ZNF292: variants seen among roughly 807,000 people sequenced by gnomAD.
The protein encoded by ZNF292 is 16 zinc-finger domain protein.
ZNF292 carries 26 observed loss-of-function variants against 217.9 expected under a neutral mutation model. The ratio of observed to expected loss-of-function variants is 0.12; its 90% CI spans 0.09 to 0.17. The LOEUF is 0.17. Among genes scored for constraint, ZNF292 ranks in the 10% least tolerant of loss-of-function variants. ZNF292 has a pLI of 1.00. For synonymous variants in ZNF292, 1,257 were observed against 1,124.1 expected, an observed-to-expected ratio of 1.12 and a Z score of -2.37; for missense variants, 2,904 against 3,175.2, an observed-to-expected ratio of 0.91 and a Z score of 2.05.
chr6:87,170,373 G>T (rs1030524653), intron 1 of ZNF292: 8 of 152,138 alleles, frequency 5.3e-5, no homozygotes, highest in African/African-American at 1.9e-4. Flanking sequence ...AACTGACCAT[G>T]AAGTTCATCA....
rs1775151630 is a variant in ZNF292 at position 87,255,365 on chromosome 6, A to G, written c.1736A>G (p.Asn579Ser). The G allele has an allele frequency of 6.2e-7, 1 of 1,613,758 alleles. No individual in the cohort carries two copies. The highest frequency in any genetic ancestry group is 1.1e-5 in the South Asian group (1 of 91,064). ...TGCCCCATATGTGCAAAGAACTTTAATTCTAAAGAAACTTTTGTCCCTCAT... is the reference window on the plus strand; with the variant it reads ...TGCCCCATATGTGCAAAGAACTTTAGTTCTAAAGAAACTTTTGTCCCTCAT... ...YSCPICAKNF[N>S]SKETFVPHVT... The change falls in exon 8 of 8, where the codon AAT becomes AGT. Residue 579 changes from asparagine to serine, a missense_variant. Asn to Ser is a conservative substitution (Grantham distance 46). Around this residue, in one of 15 missense-constraint regions of ZNF292, gnomAD observed 216 missense variants for 308.3 expected, o/e 0.70. Coordinates refer to ENST00000369577, the MANE Select transcript of ZNF292 (RefSeq NM_015021.3).
chr6:87,213,422 T>C (rs1392234462), intron 1 of ZNF292, among the ~76,000 whole-genome samples: 2 of 152,206 alleles, frequency 1.3e-5, no homozygotes, highest in Non-Finnish European at 2.9e-5. Context: ...AAGGAGTTCT[T>C]GTTCCTGACG....
Position 87,265,023 on chromosome 6 carries a change from T to G in ZNF292, c.*3222T>G, listed in dbSNP as rs1002191746. ...GCCTGTTTCAGCATGTTTATTGTAG[T>G]GAGATACTAGGCAGGTGGAAGGTTA... On this transcript the variant is annotated 3_prime_UTR_variant, in exon 8 of 8. Transcript: ENST00000369577. 6.6e-6 allele frequency among the ~76,000 whole-genome samples: 1 copy of G among 152,134 alleles called. No individual in the cohort carries two copies. Among genetic ancestry groups the G allele is most frequent in the African/African-American group, 2.4e-5 (1 of 41,440 alleles).
chr6:87,263,594 T>A lies in ZNF292; in HGVS notation c.*1793T>A, dbSNP rs968397472. The stretch of plus-strand genomic sequence containing the variant: ...TTCATTTCACCTGTTTAAGACTTAC[T>A]ACCAATAAGCATAAAACCTGACACG... On this transcript the variant is annotated 3_prime_UTR_variant, in exon 8 of 8. Coordinates refer to ENST00000369577, the MANE Select transcript of ZNF292 (RefSeq NM_015021.3). 1.3e-5 allele frequency: 2 copies of A among 152,038 alleles called. No individual in the cohort carries two copies. Among genetic ancestry groups the A allele is most frequent in the Admixed American group, 1.3e-4 (2 of 15,258 alleles). The allele number at this position is 152,038 out of a possible 1,614,324, so 9.4% of individuals were successfully genotyped here. A position where few individuals can be genotyped will look rare whatever the true frequency, so the allele number is the denominator to read the frequency against.
chr6:87,248,016 TAAATC>T (rs1319824837), intron 7 of ZNF292, among the ~76,000 whole-genome samples: 9 of 152,214 alleles, frequency 5.9e-5, no homozygotes, highest in Non-Finnish European at 1.2e-4. Context: ...TAAGTATTAA[TAAATC>T]AGAACTCAAG....
chr6:87,163,942 A>G (rs777284643), intron 1 of ZNF292, among the ~76,000 whole-genome samples: 97 of 152,196 alleles, frequency 6.4e-4, no homozygotes, highest in Non-Finnish European at 1.2e-3. Context: ...GTAAGTGTAG[A>G]TTTATGGTTA....
At chr6:87,165,189 C>T (rs972948524) in intron 1 of ZNF292, among the ~76,000 whole-genome samples, 7 of 152,130 alleles carry the variant, frequency 4.6e-5, no homozygotes, top group Non-Finnish European at 8.8e-5. Context: ...CCAATGAACT[C>T]GCTTTTAACA....
Position 87,264,428 on chromosome 6 carries a change from A to C in ZNF292, c.*2627A>C, listed in dbSNP as rs1200503116. ...ATTATTATTTTAAAGGGCTAGACAT[A>C]TTTTTAAGGCAAATTTTTATCAAGT... On this transcript the variant is annotated 3_prime_UTR_variant, in exon 8 of 8. Coordinates refer to ENST00000369577, the MANE Select transcript of ZNF292 (RefSeq NM_015021.3). Among the ~76,000 whole-genome samples, 1 of 152,234 alleles carries C rather than the reference A, an allele frequency of 6.6e-6. No individual in the cohort carries two copies. The highest frequency in any genetic ancestry group is 1.5e-5 in the Non-Finnish European group (1 of 68,034).
intron 1 of ZNF292, among the ~76,000 whole-genome samples, chr6:87,199,105 A>G (rs1772037686): frequency 6.6e-6 from 1 of 152,202 alleles, no homozygotes; most frequent in Non-Finnish European, 1.5e-5. Flanking sequence ...TGACTGTGCC[A>G]TTTTACATTC....
In ZNF292 at chr6:87,260,007, G is replaced by C; in HGVS notation, c.6378G>C (p.Thr2126=). The C allele has an allele frequency of 6.2e-7, 1 of 1,613,480 alleles. No homozygotes were observed. Among genetic ancestry groups the C allele is most frequent in the Non-Finnish European group, 8.5e-7 (1 of 1,179,616 alleles). The change falls in exon 8 of 8, where the codon ACG becomes ACC. Residue 2126 remains threonine (T), a synonymous_variant. Coordinates refer to ENST00000369577, the MANE Select transcript of ZNF292 (RefSeq NM_015021.3). ...CVHQGCFAAF[T]IQQNLILHYQ... is the part of the protein sequence containing the mutation. ...ACCAGGGATGCTTTGCTGCCTTTAC[G>C]ATACAGCAAAACTTGATTCTCCATT... is the stretch of plus-strand genomic sequence containing the variant.
In ZNF292 at chr6:87,187,147, A is replaced by G. The variant is rs113994983; in HGVS notation, c.169-28756A>G. Among the ~76,000 whole-genome samples the G allele has an allele frequency of 9.6e-3, 1,469 of 152,330 alleles. 17 individuals carry two copies. The highest frequency in any genetic ancestry group is 0.033 in the African/African-American group (1,387 of 41,570). ...ACAGTAATCCAAAGTTTTAGAAAAA[A>G]GAAATTCCTGCAGTAACTAGAAAAA... On this transcript the variant is annotated intron_variant, in intron 1 of 7. Coordinates refer to ENST00000369577, the MANE Select transcript of ZNF292 (RefSeq NM_015021.3).
At chr6:87,180,058 G>C (rs1040869629) in intron 1 of ZNF292, among the ~76,000 whole-genome samples, 1 of 152,150 alleles carries the variant, frequency 6.6e-6, no homozygotes, top group African/African-American at 2.4e-5. Context: ...TAGGCCAGGG[G>C]TGTCCAATGT....
Position 87,257,826 on chromosome 6 carries a change from C to T in ZNF292, c.4197C>T (p.Tyr1399=), listed in dbSNP as rs370020918. The change falls in exon 8 of 8, where the codon TAC becomes TAT. Residue 1399 remains tyrosine, a synonymous_variant. Coordinates refer to ENST00000369577, the MANE Select transcript of ZNF292 (RefSeq NM_015021.3). The part of the protein sequence containing the change: ...SLGGHLSKRS[Y]CKPLDGAEIA... ...GTGGGCACTTATCCAAGCGATCTTA[C>T]TGTAAACCACTGGATGGAGCCGAAA... 1.8e-5 allele frequency: 29 copies of T among 1,613,742 alleles called. No homozygotes were observed. In the South Asian group the frequency reaches 2.7e-4, roughly 15 times the overall value.
chr6:87,245,778 G>A lies in ZNF292; in HGVS notation c.1020+134G>A, dbSNP rs1199770122. On this transcript the variant is annotated intron_variant, in intron 7 of 7. Coordinates refer to ENST00000369577, the MANE Select transcript of ZNF292 (RefSeq NM_015021.3). ...CAGTTAGTCCTTTGAACATTTTCTT[G>A]TTAGTCCTTTAAGATATTTGATACA... The A allele has an allele frequency of 1.7e-5, 10 of 580,026 alleles. 1 individual carries two copies. In the Admixed American group the frequency reaches 3.8e-4, roughly 22 times the overall value. 35.9% of individuals were successfully genotyped at this position (580,026 alleles called of 1,614,324 possible).
At position 87,261,624 on chromosome 6, in the gene ZNF292, T is replaced by C. The variant is rs1775607438; in HGVS notation, c.7995T>C (p.Asn2665=). 8.1e-6 allele frequency: 13 copies of C among 1,611,308 alleles called. No homozygotes were observed. Among genetic ancestry groups the C allele is most frequent in the East Asian group, 2.2e-5 (1 of 44,794 alleles). ...ANPSQLQCSD[N]VKIVLDKNLK... is the part of the protein sequence containing the mutation. The stretch of plus-strand genomic sequence containing the variant: ...CATCACAGCTTCAGTGCAGTGATAA[T>C]GTAAAAATTGTTTTAGACAAGAATC... Residue 2665 remains asparagine, a synonymous_variant, in exon 8 of 8, where the codon AAT becomes AAC. Transcript: ENST00000369577.
chr6:87,199,260 T>A (rs1772041017), intron 1 of ZNF292, among the ~76,000 whole-genome samples: 1 of 152,262 alleles, frequency 6.6e-6, no homozygotes, highest in Non-Finnish European at 1.5e-5. Flanking sequence ...ATTGAAAATC[T>A]TTTCATGTGC....
chr6:87,247,086 T>C (rs1582496384), intron 7 of ZNF292, among the ~76,000 whole-genome samples: 1 of 146,526 alleles, frequency 6.8e-6, no homozygotes, highest in South Asian at 2.2e-4. Flanking sequence ...GCCCAGGAGG[T>C]GGAGGTTACA....
chr6:87,196,004 G>C (rs1421732210), intron 1 of ZNF292, among the ~76,000 whole-genome samples: 2 of 150,886 alleles, frequency 1.3e-5, no homozygotes, highest in South Asian at 4.2e-4. Flanking sequence ...CTCCAGCCTG[G>C]GCAGCAGAGT....
chr6:87,158,088 G>C (rs1770605477), intron 1 of ZNF292, among the ~76,000 whole-genome samples: 1 of 152,164 alleles, frequency 6.6e-6, no homozygotes, highest in African/African-American at 2.4e-5. Flanking sequence ...GTTTCATTAA[G>C]TGATTAGTCT....
Sources: allele counts gnomAD v4.1 joint callset (sites outside exome capture counted in the v4.1 genomes callset), GRCh38; gene constraint gnomAD v4.1.1; regional missense constraint gnomAD v4.1.1; transcripts MANE v1.5; gene names NCBI Gene and HGNC (gene_info 2026-07-23, HGNC 2026-07-21).